ZNF248: variants seen among roughly 807,000 people sequenced by gnomAD.
ZNF248 encodes zinc finger protein 248, also known as KRAB protein domain.
In ZNF248, 20 loss-of-function variants were observed where a neutral mutation model predicts 44.3. That is an observed-to-expected ratio of 0.45 (90% CI 0.32 to 0.66). ZNF248 has a LOEUF of 0.66. Ranked by LOEUF, ZNF248 falls within the 30% of genes least tolerant of loss-of-function variation. The pLI is 0.04. For synonymous variants in ZNF248, 224 were observed against 229.0 expected, an observed-to-expected ratio of 0.98 and a Z score of 0.20; for missense variants, 654 against 677.0, an observed-to-expected ratio of 0.97 and a Z score of 0.38.
At chr10:37,838,981 T>C (rs2057788298) in intron 3 of ZNF248, among the ~76,000 whole-genome samples, 1 of 152,172 alleles carries the variant, frequency 6.6e-6, no homozygotes, top group Non-Finnish European at 1.5e-5. Flanking sequence ...AGATCACCGT[T>C]GATGGGCATT....
intron 6 of ZNF248, among the ~76,000 whole-genome samples, chr10:37,799,362 C>T (rs1270270392): frequency 6.6e-6 from 1 of 151,930 alleles, no homozygotes; most frequent in Non-Finnish European, 1.5e-5. Flanking sequence ...AGATCGAGAC[C>T]ATCCTGGCCA....
chr10:37,823,016 A>C (rs1156500650), intron 6 of ZNF248, among the ~76,000 whole-genome samples: 1 of 152,158 alleles, frequency 6.6e-6, no homozygotes, highest in African/African-American at 2.4e-5. Flanking sequence ...GGAAACTATA[A>C]AAGTTTATTG....
chr10:37,821,129 A>C, intron 6 of ZNF248: 2 of 520,768 alleles, frequency 3.8e-6, no homozygotes, highest in Admixed American at 3.3e-5. Context: ...GTAACTTTTT[A>C]TATTTATTGC....
chr10:37,856,629 T>C (rs1168796354), intron 1 of ZNF248, 97 bp from the exon 2 acceptor site: 18 of 1,030,660 alleles, frequency 1.7e-5, no homozygotes, highest in South Asian at 9.0e-5. Context: ...AAATTCCTTG[T>C]AGGGAAAAAA....
chr10:37,831,387 CACTA>C lies in ZNF248; in HGVS notation c.*224_*227del. 3 of 1,534,418 alleles carry C rather than the reference CACTA, an allele frequency of 2.0e-6. No homozygotes were observed. The highest frequency in any genetic ancestry group is 2.6e-6 in the Non-Finnish European group (3 of 1,139,422). ...TTTTGGTATCACGTCTGGAATATAA[CACTA>C]AACAACATAAATTCCAGATAAATAT... On this transcript the variant is annotated 3_prime_UTR_variant, in exon 6 of 6. Transcript: ENST00000395867.
At chr10:37,804,085 T>C (rs2050172731) in intron 6 of ZNF248, 1 of 129,394 alleles carries the variant, frequency 7.7e-6, no homozygotes, top group African/African-American at 3.0e-5. Flanking sequence ...TCTAAACTTG[T>C]TTCCTTTTTC....
chr10:37,771,524 A>G, the ZNF248 span, among the ~76,000 whole-genome samples: 1 of 12 alleles, frequency 0.083, no homozygotes, highest in Admixed American at 0.5. Flanking sequence ...TCGCAAGGAC[A>G]AAAAAATCAA....
chr10:37,819,673 A>C, intron 6 of ZNF248: 1 of 794,146 alleles, frequency 1.3e-6, no homozygotes. Flanking sequence ...CCTCCTTTTT[A>C]AGATGACCTA....
chr10:37,765,575 A>G, the ZNF248 span, among the ~76,000 whole-genome samples: 1 of 152,216 alleles, frequency 6.6e-6, no homozygotes, highest in Non-Finnish European at 1.5e-5. Context: ...TAACTGCATA[A>G]AATACAAACT....
intron 6 of ZNF248, among the ~76,000 whole-genome samples, chr10:37,821,821 G>A (rs1376159410): frequency 1.3e-5 from 2 of 152,082 alleles, no homozygotes; most frequent in Non-Finnish European, 2.9e-5. Context: ...TCTACTATAA[G>A]CTAATCTCAC....
chr10:37,790,742 AAAAAAATAAAAAT>A (rs1185732595), intron 6 of ZNF248, among the ~76,000 whole-genome samples: 1 of 147,646 alleles, frequency 6.8e-6, no homozygotes, highest in African/African-American at 2.5e-5. Context: ...ATAATTTTTT[AAAAAAATAAAAAT>A]AAAAAATAAA....
Position 37,829,485 on chromosome 10 carries a change from A to C in ZNF248, c.*2130T>G. ...CCCCCTAATTACCATATAGAACATT[A>C]ACACTTAGAAAAATATTCCTCTGTG... is the stretch of plus-strand genomic sequence containing the variant. On this transcript the variant is annotated 3_prime_UTR_variant, in exon 6 of 6. Coordinates refer to ENST00000395867, the MANE Select transcript of ZNF248 (RefSeq NM_021045.3). The C allele has an allele frequency of 1.0e-6, 1 of 985,244 alleles. No homozygotes were observed. The highest frequency in any genetic ancestry group is 1.2e-6 in the Non-Finnish European group (1 of 829,858). The allele number at this position is 985,244 out of a possible 1,614,324, so 61.0% of individuals were successfully genotyped here.
At chr10:37,787,646 CAA>C (rs61458852) in intron 6 of ZNF248, among the ~76,000 whole-genome samples, 39 of 141,450 alleles carry the variant, frequency 2.8e-4, no homozygotes, top group African/African-American at 3.1e-4. Context: ...ATCCCCATGC[CAA>C]AAAAAAAAAA....
intron 3 of ZNF248, among the ~76,000 whole-genome samples, chr10:37,840,728 G>A (rs901772270): frequency 6.6e-6 from 1 of 152,090 alleles, no homozygotes; most frequent in African/African-American, 2.4e-5. Flanking sequence ...GTTGCAGTGA[G>A]CCGAGATTAT....
downstream of ZNF248, among the ~76,000 whole-genome samples, chr10:37,771,586 G>A (rs923313367): frequency 6.8e-6 from 1 of 147,256 alleles, no homozygotes; most frequent in African/African-American, 2.5e-5. Context: ...AGAACACATG[G>A]ACACAGGAAG....
chr10:37,806,613 G>A (rs2050601276), intron 6 of ZNF248, among the ~76,000 whole-genome samples: 1 of 151,608 alleles, frequency 6.6e-6, no homozygotes, highest in Non-Finnish European at 1.5e-5. Context: ...TTGAGTTTTA[G>A]GAGTTATCTA....
chr10:37,847,221 A>AT (rs1244289516), intron 3 of ZNF248, among the ~76,000 whole-genome samples: 4 of 151,710 alleles, frequency 2.6e-5, no homozygotes, highest in Admixed American at 2.6e-4. Flanking sequence ...TTATTTATTT[A>AT]TTTATTTTTT....
At chr10:37,789,592 A>G (rs1244624771) in intron 6 of ZNF248, among the ~76,000 whole-genome samples, 1 of 152,182 alleles carries the variant, frequency 6.6e-6, no homozygotes, top group Non-Finnish European at 1.5e-5. Context: ...AGAACAACAG[A>G]TAATTTATTA....
At chr10:37,760,323 T>A in the ZNF248 span, among the ~76,000 whole-genome samples, 1 of 152,082 alleles carries the variant, frequency 6.6e-6, no homozygotes, top group Non-Finnish European at 1.5e-5. Flanking sequence ...TCAACTTCCC[T>A]GAGCTCAGGC....
Sources: gnomAD v4.1 joint callset for allele counts (sites outside exome capture counted in the v4.1 genomes callset) on GRCh38, gnomAD v4.1.1 for gene constraint, MANE v1.5 for transcripts, NCBI Gene and HGNC (gene_info 2026-07-23, HGNC 2026-07-21) for gene names.